GALNT18: variants seen among roughly 807,000 people sequenced by gnomAD.
GALNT18 encodes the protein polypeptide N-acetylgalactosaminyltransferase 18, also known as GalNAc-transferase 18.
Under a neutral mutation model 69.5 loss-of-function variants are expected in GALNT18, and 44 were observed. The observed-to-expected ratio is 0.63, with a 90% CI of 0.50 to 0.81. The LOEUF (loss-of-function observed/expected upper bound fraction) is 0.81, where lower values mean the gene tolerates loss of function less well. Ranked by LOEUF, GALNT18 falls within the 40% of genes least tolerant of loss-of-function variation. The probability of loss-of-function intolerance (pLI) is 0.00; values close to 1 mark genes in which losing one functional copy is unlikely to be tolerated. For missense variants in GALNT18, 715 were observed against 810.0 expected (o/e 0.88, Z 1.42); for synonymous variants, 364 against 318.2 (o/e 1.14, Z -1.53).
At chr11:11,558,892 C>T (rs1565011709) in intron 1 of GALNT18, among the ~76,000 whole-genome samples, 2 of 152,200 alleles carry the variant, frequency 1.3e-5, no homozygotes, top group Non-Finnish European at 2.9e-5. Flanking sequence ...TCAAGGGCAG[C>T]ACCACTTCTC....
intron 9 of GALNT18, among the ~76,000 whole-genome samples, chr11:11,305,879 G>C (rs1306723078): frequency 1.3e-5 from 2 of 152,184 alleles, no homozygotes; most frequent in Non-Finnish European, 2.9e-5. Context: ...CAAGCAATGT[G>C]TTAATAAATT....
intron 9 of GALNT18, among the ~76,000 whole-genome samples, chr11:11,293,811 T>C (rs2133006760): frequency 6.6e-6 from 1 of 152,286 alleles, no homozygotes; most frequent in South Asian, 2.1e-4. Flanking sequence ...ATTTACAGAT[T>C]GCCTGATTTC....
rs935318320 is a variant in GALNT18, at chr11:11,586,580, T to C, written c.235+34779A>G. Among the ~76,000 whole-genome samples the C allele has an allele frequency of 1.3e-5, 2 of 152,124 alleles. No individual in the cohort carries two copies. Among genetic ancestry groups the C allele is most frequent in the African/African-American group, 2.4e-5 (1 of 41,406 alleles). ...AGAAACCACCAGGAACCCTTTTGCT[T>C]AGGCTGTAGTCAGGACATAGTTGAT... On this transcript the variant is annotated intron_variant, in intron 1 of 10. Coordinates refer to ENST00000227756, the MANE Select transcript of GALNT18 (RefSeq NM_198516.3). The surrounding 1 kb of genome is among the most constrained non-coding windows in gnomAD (Gnocchi z 4.1).
chr11:11,516,282 A>G (rs1156653942), intron 1 of GALNT18, among the ~76,000 whole-genome samples: 1 of 152,190 alleles, frequency 6.6e-6, no homozygotes, highest in Non-Finnish European at 1.5e-5. Flanking sequence ...CCATCCCTGG[A>G]ATGTTGGAGC....
At chr11:11,589,178 G>A (rs901111061) in intron 1 of GALNT18, among the ~76,000 whole-genome samples, 1 of 152,196 alleles carries the variant, frequency 6.6e-6, no homozygotes, top group Non-Finnish European at 1.5e-5. Context: ...GGAGAAGCCA[G>A]GAAGGAAAGG....
At chr11:11,589,587 T>G (rs201776353) in intron 1 of GALNT18, among the ~76,000 whole-genome samples, 4,215 of 66,520 alleles carry the variant, frequency 0.063, 95 homozygotes, top group African/African-American at 0.18. Context: ...GTTTTAGGGG[T>G]TTTTTTTTTT....
In GALNT18 at chr11:11,463,464, C is replaced by T. The variant is rs557783222; in HGVS notation, c.236-14528G>A. Among the ~76,000 whole-genome samples, 10 of 152,324 alleles carry T rather than the reference C, an allele frequency of 6.6e-5. No homozygotes were observed. Among genetic ancestry groups the T allele is most frequent in the Admixed American group, 5.2e-4 (8 of 15,308 alleles). ...AGTGTACAGTGCAGAAGGATAAATA[C>T]GAGCCAGGGCCCCAGCGAGGTTGAG... On this transcript the variant is annotated intron_variant, in intron 1 of 10. Transcript: ENST00000227756. This position sits in a 1 kb window ranked among gnomAD's most constrained non-coding sequence, Gnocchi z 4.2.
intron 1 of GALNT18, among the ~76,000 whole-genome samples, chr11:11,526,569 T>C (rs915006812): frequency 2.4e-4 from 36 of 152,196 alleles, no homozygotes; most frequent in African/African-American, 7.0e-4. Flanking sequence ...GCTGGTTATA[T>C]TGCAGTAACA....
intron 1 of GALNT18, among the ~76,000 whole-genome samples, chr11:11,554,061 G>A (rs566224215): frequency 6.6e-6 from 1 of 152,194 alleles, no homozygotes; most frequent in African/African-American, 2.4e-5. Flanking sequence ...CAGGCAAGGG[G>A]AATCAATCTT....
At chr11:11,367,071 C>T (rs1204382495) in intron 6 of GALNT18, among the ~76,000 whole-genome samples, 3 of 152,124 alleles carry the variant, frequency 2.0e-5, no homozygotes, top group African/African-American at 7.2e-5. Flanking sequence ...CAAAGTGGAG[C>T]CAGTCAGCTT....
chr11:11,432,783 G>C lies in GALNT18; in HGVS notation c.433C>G (p.Arg145Gly), dbSNP rs750599763. 6.2e-7 allele frequency: 1 copy of C among 1,613,650 alleles called. No homozygotes were observed. The highest frequency in any genetic ancestry group is 1.1e-5 in the South Asian group (1 of 90,964). The change falls in exon 3 of 11, where the codon CGT becomes GGT. Residue 145 changes from arginine to glycine, a missense_variant. Coordinates refer to ENST00000227756, the MANE Select transcript of GALNT18 (RefSeq NM_198516.3). The surrounding 1 kb of genome is among the most constrained non-coding windows in gnomAD (Gnocchi z 5.8). ...AGGCTGTCAGGAAATGAGAGGTTAC[G>C]GCACCTGCAAAGAACAGCCAAGCGC... ...PLPDLRPSGC[R>G]NLSFPDSLPE...
intron 6 of GALNT18, among the ~76,000 whole-genome samples, chr11:11,363,191 C>G (rs1283759610): frequency 6.6e-6 from 1 of 152,106 alleles, no homozygotes; most frequent in African/African-American, 2.4e-5. Context: ...GAGAACAACG[C>G]TGAAAGTTCC....
rs1367962352 is a variant in GALNT18, at chr11:11,271,220, C to A, written c.1748G>T (p.Gly583Val). The A allele has an allele frequency of 1.2e-6, 2 of 1,614,010 alleles. No homozygotes were observed. Among genetic ancestry groups the A allele is most frequent in the Non-Finnish European group, 1.7e-6 (2 of 1,180,006 alleles). ...GCACTTCTGCAACACCAGCTGGAAG[C>A]CGAACTCCAGGTCGCTATTCTCCTG... is the stretch of plus-strand genomic sequence containing the variant. ...ELQENSDLEF[G>V]FQLVLQKCSG... The change falls in exon 11 of 11, where the codon GGC becomes GTC. Residue 583 changes from glycine (G) to valine (V), a missense_variant. By Grantham distance (109) the Gly-to-Val change is moderately radical (BLOSUM62 -3). Coordinates refer to ENST00000227756, the MANE Select transcript of GALNT18 (RefSeq NM_198516.3).
At chr11:11,365,655 G>A (rs1390303085) in intron 6 of GALNT18, among the ~76,000 whole-genome samples, 6 of 152,220 alleles carry the variant, frequency 3.9e-5, no homozygotes, top group Non-Finnish European at 7.4e-5. Flanking sequence ...AGCATCTATT[G>A]TTTCCTGACT....
At chr11:11,476,332 T>A (rs941455661) in intron 1 of GALNT18, 1 of 152,224 alleles carries the variant, frequency 6.6e-6, no homozygotes, top group Middle Eastern at 3.4e-3. Flanking sequence ...ATAGCTGACT[T>A]ATCAGGGCCT....
rs1014124970 is a variant in GALNT18 at position 11,340,002 on chromosome 11, A to T, written c.1278+817T>A. 2.6e-5 allele frequency among the ~76,000 whole-genome samples: 4 copies of T among 152,206 alleles called. No individual in the cohort carries two copies. The highest frequency in any genetic ancestry group is 9.6e-5 in the African/African-American group (4 of 41,460). ...GAGGAAAGAATGAGGTCATGTAGTCAATAGCTCTGATAGCTCTGTCTCACA... is the reference window on the plus strand; with the variant it reads ...GAGGAAAGAATGAGGTCATGTAGTCTATAGCTCTGATAGCTCTGTCTCACA... On this transcript the variant is annotated intron_variant, in intron 7 of 10. Transcript: ENST00000227756. The surrounding 1 kb of genome is among the most constrained non-coding windows in gnomAD (Gnocchi z 4.2).
intron 6 of GALNT18, chr11:11,353,253 G>C: frequency 2.7e-6 from 3 of 1,100,472 alleles, no homozygotes; most frequent in Non-Finnish European, 4.0e-6. Context: ...GGCAGCGGCT[G>C]TGGCCGCTCT....
At chr11:11,526,324 A>C (rs981851336) in intron 1 of GALNT18, among the ~76,000 whole-genome samples, 3 of 152,166 alleles carry the variant, frequency 2.0e-5, no homozygotes, top group African/African-American at 7.2e-5. Flanking sequence ...TGATGGTAGA[A>C]TAGCACGACT....
intron 3 of GALNT18, among the ~76,000 whole-genome samples, chr11:11,426,744 T>C (rs1286003437): frequency 6.6e-6 from 1 of 152,010 alleles, no homozygotes; most frequent in Non-Finnish European, 1.5e-5. Flanking sequence ...TGCTGCCCTT[T>C]AAACGGAGTG....
Sources: allele counts gnomAD v4.1 joint callset (sites outside exome capture counted in the v4.1 genomes callset), GRCh38; gene constraint gnomAD v4.1.1; non-coding constraint Gnocchi (gnomAD v3.1); transcripts MANE v1.5; gene names NCBI Gene and HGNC (gene_info 2026-07-23, HGNC 2026-07-21).